PUM2: variants seen among roughly 807,000 people sequenced by gnomAD.
PUM2 encodes pumilio homolog 2.
PUM2 carries 57 observed loss-of-function variants against 124.5 expected under a neutral mutation model. The observed-to-expected ratio is 0.46, with a 90% confidence interval of 0.37 to 0.57. The LOEUF is 0.57. PUM2 is among the 20% of genes least tolerant of loss of function. The pLI, the probability that PUM2 is intolerant of heterozygous loss-of-function variation, is 0.00. For missense variants in PUM2, 1,065 were observed against 1,290.6 expected (o/e 0.83, Z 2.68); for synonymous variants, 460 against 446.1 (o/e 1.03, Z -0.39).
chr2:20,341,302 T>C (rs1687179726), intron 1 of PUM2, among the ~76,000 whole-genome samples: 1 of 152,080 alleles, frequency 6.6e-6, no homozygotes, highest in South Asian at 2.1e-4. Flanking sequence ...GCAGCACCAC[T>C]TATATGGTGG....
At chr2:20,347,309 T>C (rs1688430117) in intron 1 of PUM2, among the ~76,000 whole-genome samples, 1 of 152,228 alleles carries the variant, frequency 6.6e-6, no homozygotes. Context: ...TTTTAATATT[T>C]GTGTTTAATT....
chr2:20,281,066 A>G (rs932323411), intron 12 of PUM2, among the ~76,000 whole-genome samples: 2 of 152,164 alleles, frequency 1.3e-5, no homozygotes, highest in African/African-American at 4.8e-5. Flanking sequence ...TGTAATTGCC[A>G]TAATGTGAAA....
intron 13 of PUM2, among the ~76,000 whole-genome samples, chr2:20,267,026 CTT>C (rs373222999): frequency 1.1e-4 from 16 of 142,674 alleles, no homozygotes; most frequent in Admixed American, 2.8e-4. Context: ...ATGCCTGTAA[CTT>C]TTTTTTTTTT....
In PUM2 at chr2:20,327,228, GGA is replaced by G; in HGVS notation, c.51+80_51+81del. On this transcript the variant is annotated intron_variant, in intron 2 of 20. Transcript: ENST00000361078. ...AGATATGACCACTATTTCCAGGAAG[GGA>G]GATGGTTAAAAAAAAAAAATAAGTT... 4.4e-6 allele frequency: 4 copies of G among 916,856 alleles called. No homozygotes were observed. The South Asian group carries it at 5.7e-5, about 13-fold the overall frequency. The allele number at this position is 916,856 out of a possible 1,614,324, so 56.8% of individuals were successfully genotyped here.
chr2:20,298,159 T>C (rs1168633237), intron 7 of PUM2, among the ~76,000 whole-genome samples: 6 of 152,144 alleles, frequency 3.9e-5, no homozygotes, highest in Admixed American at 3.3e-4. Context: ...GAAAAACAGG[T>C]ATATTAGCAA....
Position 20,255,199 on chromosome 2 carries a change from T to TA in PUM2, c.2748+16dup. The TA allele has an allele frequency of 6.4e-7, 1 of 1,568,206 alleles. No homozygotes were observed. The highest frequency in any genetic ancestry group is 8.7e-7 in the Non-Finnish European group (1 of 1,151,548). On this transcript the variant is annotated intron_variant, in intron 18 of 20. Coordinates refer to ENST00000361078, the MANE Select transcript of PUM2 (RefSeq NM_015317.5). ...CCAAAAATATATAAACATTTCAAAT[T>TA]ATTAGGGAATTTATACCTGTACCAA...
At chr2:20,340,706 T>C (rs1188597043) in intron 1 of PUM2, among the ~76,000 whole-genome samples, 1 of 152,198 alleles carries the variant, frequency 6.6e-6, no homozygotes, top group African/African-American at 2.4e-5. Context: ...GAAACACTCA[T>C]ACATCACCAT....
chr2:20,289,946 G>C (rs1673618521), intron 10 of PUM2, among the ~76,000 whole-genome samples: 2 of 152,114 alleles, frequency 1.3e-5, no homozygotes. Flanking sequence ...AAAGAGAATG[G>C]CAAGTTATGC....
At chr2:20,279,632 A>C (rs1437574436) in intron 12 of PUM2, among the ~76,000 whole-genome samples, 1 of 152,152 alleles carries the variant, frequency 6.6e-6, no homozygotes, top group Non-Finnish European at 1.5e-5. Flanking sequence ...AATGCATACC[A>C]AATTTTTACT....
In PUM2 at chr2:20,278,682, T is replaced by A; in HGVS notation, c.1858A>T (p.Ser620Cys). The A allele has an allele frequency of 3.1e-6, 5 of 1,613,608 alleles. No homozygotes were observed. Among genetic ancestry groups the A allele is most frequent in the Non-Finnish European group, 4.2e-6 (5 of 1,179,706 alleles). The change falls in exon 13 of 21, where the codon AGT becomes TGT. Residue 620 changes from serine to cysteine, a missense_variant. Ser to Cys is a moderately radical substitution (Grantham distance 112, BLOSUM62 -1). Around this residue, in one of 3 missense-constraint regions of PUM2, gnomAD observed 968 missense variants for 1,159.8 expected, o/e 0.83. Transcript: ENST00000361078. Reference protein sequence around the residue: ...YNSLGFSSSPSPIGMPLPSQT... With the variant: ...YNSLGFSSSPCPIGMPLPSQT... The stretch of plus-strand genomic sequence containing the variant: ...CTTGGCAGAGGCATGCCTATTGGAC[T>A]TGGAGAGGAGGAAAATCCCAGACTA...
chr2:20,282,809 C>T (rs1201023894), intron 12 of PUM2, 138 bp downstream of exon 12: 14 of 1,008,200 alleles, frequency 1.4e-5, no homozygotes, highest in South Asian at 2.0e-5. Context: ...TTTTTTTTTC[C>T]TACAAATTAA....
intron 4 of PUM2, 147 bp from the exon 5 acceptor site, chr2:20,311,810 AGGCC>A: frequency 1.1e-6 from 1 of 935,146 alleles, no homozygotes; most frequent in Non-Finnish European, 1.5e-6. Flanking sequence ...AATTTATCAA[AGGCC>A]AAAAAATTGC....
chr2:20,327,184 C>T (rs994119679), intron 2 of PUM2, 126 bp downstream of exon 2: 7 of 632,700 alleles, frequency 1.1e-5, no homozygotes, highest in Non-Finnish European at 1.9e-5. Flanking sequence ...GAAATTTAAA[C>T]CCCTCCATAT....
At position 20,252,593 on chromosome 2, in the gene PUM2, A is replaced by G. The variant is rs185697188; in HGVS notation, c.3064-877T>C. Among the ~76,000 whole-genome samples, 502 of 152,076 alleles carry G rather than the reference A, an allele frequency of 3.3e-3. 3 individuals are homozygous for G. Among genetic ancestry groups the G allele is most frequent in the Non-Finnish European group, 4.9e-3 (332 of 67,912 alleles). On this transcript the variant is annotated intron_variant, in intron 20 of 20. Transcript: ENST00000361078. ...TTCATTAAGATCAAGAGTATTCAAA[A>G]TAAGTGTTTTTTTCAGTGTTCTTTC... is the stretch of plus-strand genomic sequence containing the variant.
intron 3 of PUM2, among the ~76,000 whole-genome samples, chr2:20,313,878 CACTCCTGTAATCCCAGTACTTTGACAG>C (rs1680264032): frequency 6.8e-6 from 1 of 147,596 alleles, no homozygotes; most frequent in African/African-American, 2.5e-5. Flanking sequence ...GGCAGTGACT[CACTCCTGTAATCCCAGTACTTTGACAG>C]ACTGAGGCGG....
intron 10 of PUM2, among the ~76,000 whole-genome samples, chr2:20,289,072 C>T (rs1242267219): frequency 6.6e-6 from 1 of 151,922 alleles, no homozygotes; most frequent in East Asian, 1.9e-4. Flanking sequence ...GTGGGTGGAT[C>T]ATGAGGTCAG....
chr2:20,335,017 A>G (rs1273121574), intron 1 of PUM2, among the ~76,000 whole-genome samples: 1 of 152,084 alleles, frequency 6.6e-6, no homozygotes, highest in Non-Finnish European at 1.5e-5. Flanking sequence ...GGGCAATCAT[A>G]GCTCTCTGCA....
Position 20,260,843 on chromosome 2 carries a change from C to T in PUM2, c.2226-377G>A, listed in dbSNP as rs1666024780. Among the ~76,000 whole-genome samples, 5 of 152,232 alleles carry T rather than the reference C, an allele frequency of 3.3e-5. No homozygotes were observed. The South Asian group carries it at 1.0e-3, about 32-fold the overall frequency. On this transcript the variant is annotated intron_variant, in intron 14 of 20. Transcript: ENST00000361078. ...ACCCTTAGAAGTAAAATTCATCCAA[C>T]ATGAATGAATTCCTAAGCAAGAAAG...
intron 3 of PUM2, among the ~76,000 whole-genome samples, chr2:20,314,461 T>G (rs1218165815): frequency 6.6e-6 from 1 of 152,230 alleles, no homozygotes; most frequent in Non-Finnish European, 1.5e-5. Context: ...GTTAATGGAA[T>G]GCAAATATAG....
Sources: gnomAD v4.1 joint callset for allele counts (sites outside exome capture counted in the v4.1 genomes callset) on GRCh38, gnomAD v4.1.1 for gene constraint, gnomAD v4.1.1 regional missense constraint, MANE v1.5 for transcripts, NCBI Gene and HGNC (gene_info 2026-07-23, HGNC 2026-07-21) for gene names.